DGKB: variants seen among roughly 807,000 people sequenced by gnomAD.
DGKB encodes the protein diacylglycerol kinase beta, also known as 90 kDa diacylglycerol kinase.
A neutral mutation model predicts 114.3 loss-of-function variants in DGKB; 67 were observed. That is an observed-to-expected ratio of 0.59 (90% CI 0.48 to 0.72). DGKB has a LOEUF of 0.72. Ranked by LOEUF, DGKB falls within the 30% of genes least tolerant of loss-of-function variation. DGKB has a pLI of 0.00. For missense variants in DGKB, 907 were observed against 975.2 expected (o/e 0.93, Z 0.93); for synonymous variants, 398 against 323.1 (o/e 1.23, Z -2.49).
chr7:14,964,792 T>C (rs1275066433), intron 1 of DGKB, among the ~76,000 whole-genome samples: 4 of 152,174 alleles, frequency 2.6e-5, no homozygotes, highest in Non-Finnish European at 4.4e-5. Context: ...GATAATTTCT[T>C]GAACCAAATC....
intron 21 of DGKB, among the ~76,000 whole-genome samples, chr7:14,401,985 CA>C (rs757012357): frequency 0.093 from 13,945 of 149,406 alleles, 1,137 homozygotes; most frequent in East Asian, 0.46. Context: ...CACACACACA[CA>C]CCCGCTATTC....
intron 1 of DGKB, among the ~76,000 whole-genome samples, chr7:14,882,532 C>G (rs1207018191): frequency 2.6e-5 from 4 of 151,884 alleles, no homozygotes; most frequent in Non-Finnish European, 5.9e-5. Context: ...TTTTGGTGTA[C>G]CAATCACCAG....
rs2128208698 is a variant in DGKB, at chr7:14,149,124, C to T, written c.*7G>A. On this transcript the variant is annotated 3_prime_UTR_variant, in exon 26 of 26. Transcript: ENST00000402815. ...AATTCAATTTCTAAGAGTGAAACAA[C>T]ACAGGATTATTCCTTGCTTCGGTTT... The T allele has an allele frequency of 5.6e-6, 9 of 1,611,034 alleles. No homozygotes were observed. Among genetic ancestry groups the T allele is most frequent in the Non-Finnish European group, 6.8e-6 (8 of 1,177,348 alleles).
intron 20 of DGKB, among the ~76,000 whole-genome samples, chr7:14,510,485 C>A (rs1454641776): frequency 6.6e-6 from 1 of 152,150 alleles, no homozygotes; most frequent in Non-Finnish European, 1.5e-5. Flanking sequence ...TCAGTCACAT[C>A]TTCAGGCTCC....
In DGKB at chr7:14,484,753, G is replaced by A. The variant is rs569873065; in HGVS notation, c.1771-6528C>T. Among the ~76,000 whole-genome samples the A allele has an allele frequency of 4.6e-5, 7 of 152,168 alleles. No individual in the cohort carries two copies. The East Asian group carries it at 1.2e-3, about 25-fold the overall frequency. On this transcript the variant is annotated intron_variant, in intron 20 of 25. Coordinates refer to ENST00000402815, the MANE Select transcript of DGKB (RefSeq NM_001350709.2). The stretch of plus-strand genomic sequence containing the variant: ...CACTGCTGAGTATCTATTTAAGATT[G>A]TATGTGCGATCTTTAGAAATATAAC...
rs545754080 is a variant in DGKB at position 14,679,154 on chromosome 7, T to C, written c.1035+3399A>G. On this transcript the variant is annotated intron_variant, in intron 12 of 25. Coordinates refer to ENST00000402815, the MANE Select transcript of DGKB (RefSeq NM_001350709.2). ...CATCCTTCTACAGGAGAGAGAGAAATGACGTAAGTGTTCTTCATGGAGTGC... is the reference window on the plus strand; with the variant it reads ...CATCCTTCTACAGGAGAGAGAGAAACGACGTAAGTGTTCTTCATGGAGTGC... Among the ~76,000 whole-genome samples, 4 of 149,466 alleles carry C rather than the reference T, an allele frequency of 2.7e-5. No individual in the cohort carries two copies. The South Asian group carries it at 8.7e-4, about 32-fold the overall frequency.
At chr7:14,871,508 G>A (rs1852452952) in intron 1 of DGKB, among the ~76,000 whole-genome samples, 2 of 152,070 alleles carry the variant, frequency 1.3e-5, no homozygotes, top group African/African-American at 4.8e-5. Context: ...AGTCAATCTC[G>A]TACAGTTTAT....
At chr7:14,407,423 C>T (rs184209130) in intron 21 of DGKB, among the ~76,000 whole-genome samples, 1 of 151,984 alleles carries the variant, frequency 6.6e-6, no homozygotes, top group African/African-American at 2.4e-5. Context: ...TGTTGCTCCA[C>T]GGTGTGAGAC....
chr7:14,148,981 A>C lies in DGKB; in HGVS notation c.*150T>G. ...GAGACAATAAATTTTCTAATAGCTG[A>C]ATTTTACATTAGCTTAGTAACAAAA... On this transcript the variant is annotated 3_prime_UTR_variant, in exon 26 of 26. Coordinates refer to ENST00000402815, the MANE Select transcript of DGKB (RefSeq NM_001350709.2). 1 of 669,210 alleles carries C rather than the reference A, an allele frequency of 1.5e-6. No individual in the cohort carries two copies. The highest frequency in any genetic ancestry group is 2.5e-6 in the Non-Finnish European group (1 of 392,734). 41.5% of individuals were successfully genotyped at this position (669,210 alleles called of 1,614,324 possible).
At chr7:14,682,899 T>C (rs936655364) in intron 10 of DGKB, 58 bp from the exon 11 acceptor site, 21 of 1,236,134 alleles carry the variant, frequency 1.7e-5, no homozygotes, top group African/African-American at 3.0e-5. Context: ...TGTAATTTTA[T>C]AGAGAAAGAA....
intron 14 of DGKB, among the ~76,000 whole-genome samples, chr7:14,623,663 G>A (rs1808050939): frequency 6.6e-6 from 1 of 152,124 alleles, no homozygotes; most frequent in South Asian, 2.1e-4. Flanking sequence ...GGCTGAAAAT[G>A]GATGCCATAA....
chr7:14,824,279 C>A (rs1354788513), intron 2 of DGKB, among the ~76,000 whole-genome samples: 1 of 152,058 alleles, frequency 6.6e-6, no homozygotes, highest in East Asian at 1.9e-4. Flanking sequence ...CATTTTTTTT[C>A]TCTCTAAACA....
intron 21 of DGKB, among the ~76,000 whole-genome samples, chr7:14,471,126 G>C (rs1392352201): frequency 6.7e-6 from 1 of 148,790 alleles, no homozygotes; most frequent in African/African-American, 2.5e-5. Context: ...AAATACACAG[G>C]TTTGATTTTT....
intron 20 of DGKB, among the ~76,000 whole-genome samples, chr7:14,515,918 C>T (rs913100507): frequency 6.6e-6 from 1 of 152,136 alleles, no homozygotes; most frequent in East Asian, 1.9e-4. Context: ...GCTCATGACT[C>T]TCTGCAGCCT....
At position 14,841,317 on chromosome 7, in the gene DGKB, G is replaced by GT. The variant is rs1409862150; in HGVS notation, c.-55dup. On this transcript the variant is annotated 5_prime_UTR_variant, in exon 2 of 26. Transcript: ENST00000402815. ...CAGGTAAAAGATTCTTTATTCAGGT[G>GT]TTGCGCAGAGGTCTATGCTTCAAAG... is the stretch of plus-strand genomic sequence containing the variant. 2 of 1,501,536 alleles carry GT rather than the reference G, an allele frequency of 1.3e-6. No homozygotes were observed. The highest frequency in any genetic ancestry group is 2.8e-5 in the African/African-American group (2 of 72,634). 93.0% of individuals were successfully genotyped at this position (1,501,536 alleles called of 1,614,324 possible).
chr7:14,157,975 G>A (rs1003123512), intron 25 of DGKB, among the ~76,000 whole-genome samples: 9 of 152,088 alleles, frequency 5.9e-5, no homozygotes, highest in Non-Finnish European at 1.0e-4. Context: ...TTTTCACGTA[G>A]TAATGGTGTT....
intron 21 of DGKB, among the ~76,000 whole-genome samples, chr7:14,426,409 A>AGG (rs1005321718): frequency 6.6e-5 from 10 of 152,140 alleles, no homozygotes; most frequent in African/African-American, 2.4e-4. Context: ...TAGCCTACCA[A>AGG]GGGGGATCAG....
At chr7:14,713,179 A>AT (rs994699839) in intron 6 of DGKB, among the ~76,000 whole-genome samples, 9 of 151,978 alleles carry the variant, frequency 5.9e-5, no homozygotes, top group South Asian at 2.1e-4. Context: ...TTATATCCAA[A>AT]TTTTTTTTCC....
chr7:14,640,984 G>C (rs529080271), intron 13 of DGKB, among the ~76,000 whole-genome samples: 1 of 152,216 alleles, frequency 6.6e-6, no homozygotes, highest in South Asian at 2.1e-4. Context: ...ATTAGCTCTA[G>C]ATATATGCCT....
Sources: allele counts gnomAD v4.1 joint callset (sites outside exome capture counted in the v4.1 genomes callset), GRCh38; gene constraint gnomAD v4.1.1; transcripts MANE v1.5; gene names NCBI Gene and HGNC (gene_info 2026-07-23, HGNC 2026-07-21).